LY96: variants seen among roughly 807,000 people sequenced by gnomAD.
The protein encoded by LY96 is lymphocyte antigen 96, also known as myeloid differentiation protein-2.
LY96 carries 18 observed loss-of-function variants against 18.9 expected under a neutral mutation model. The observed-to-expected ratio is 0.95, with a 90% CI of 0.66 to 1.41. LY96 has a LOEUF of 1.41. LY96 is among the 40% of genes most tolerant of loss of function. LY96 has a pLI of 0.00. For missense variants in LY96, 175 were observed against 182.4 expected (o/e 0.96, Z 0.23); for synonymous variants, 66 against 62.6 (o/e 1.06, Z -0.26).
chr8:74,022,863 G>A (rs933448160), intron 3 of LY96, among the ~76,000 whole-genome samples: 4 of 152,144 alleles, frequency 2.6e-5, no homozygotes, highest in Non-Finnish European at 5.9e-5. Flanking sequence ...ACAGGCGTGA[G>A]CCACTGTTCC....
chr8:74,068,102 A>ATATATATATATATATATATATATATATAT, the LY96 span, among the ~76,000 whole-genome samples: 5 of 139,282 alleles, frequency 3.6e-5, no homozygotes, highest in Admixed American at 7.0e-5. Context: ...ATATATATAT[A>ATATATATATATATATATATATATATATAT]ACATTTCCTT....
At chr8:74,058,483 C>T in the LY96 span, among the ~76,000 whole-genome samples, 1 of 151,484 alleles carries the variant, frequency 6.6e-6, no homozygotes, top group African/African-American at 2.4e-5. Context: ...CAAAAGGATA[C>T]TTACATATCT....
chr8:74,003,558 G>C (rs1360485481), intron 1 of LY96, among the ~76,000 whole-genome samples: 5 of 152,204 alleles, frequency 3.3e-5, no homozygotes, highest in Non-Finnish European at 7.3e-5. Flanking sequence ...GCCTGCTCAG[G>C]CTTCTCACGA....
At chr8:74,049,472 A>C in the LY96 span, among the ~76,000 whole-genome samples, 1 of 152,214 alleles carries the variant, frequency 6.6e-6, no homozygotes, top group Non-Finnish European at 1.5e-5. Context: ...GATTTGACAT[A>C]ATAGCATGTC....
chr8:74,006,864 C>T (rs2131265023), intron 2 of LY96, among the ~76,000 whole-genome samples: 1 of 152,224 alleles, frequency 6.6e-6, no homozygotes, highest in South Asian at 2.1e-4. Flanking sequence ...GATAATAAGA[C>T]AGTACGAAAT....
chr8:74,081,133 C>T, the LY96 span, among the ~76,000 whole-genome samples: 6 of 138,160 alleles, frequency 4.3e-5, no homozygotes, highest in African/African-American at 1.7e-4. Context: ...TTCCTTCCTT[C>T]CTTCCTTCCT....
chr8:74,082,281 G>A, the LY96 span, among the ~76,000 whole-genome samples: 1 of 152,078 alleles, frequency 6.6e-6, no homozygotes, highest in Non-Finnish European at 1.5e-5. Context: ...CTGGATTTTG[G>A]TTTTCATGCA....
chr8:74,001,492 A>C (rs1816268574), intron 1 of LY96, among the ~76,000 whole-genome samples: 1 of 152,114 alleles, frequency 6.6e-6, no homozygotes, highest in Non-Finnish European at 1.5e-5. Flanking sequence ...GCCTCCCCAA[A>C]GTGCTGGGAT....
chr8:74,014,084 G>T (rs1318747428), intron 3 of LY96, among the ~76,000 whole-genome samples: 1 of 150,254 alleles, frequency 6.7e-6, no homozygotes, highest in Non-Finnish European at 1.5e-5. Context: ...ATGAAAGAGA[G>T]ATTTTTGGGA....
the LY96 span, among the ~76,000 whole-genome samples, chr8:74,051,130 C>T: frequency 1.3e-5 from 2 of 152,208 alleles, no homozygotes; most frequent in Non-Finnish European, 2.9e-5. Context: ...GCAGAAGACA[C>T]ATTCTCCTGT....
At chr8:74,015,909 T>C (rs1391228738) in intron 3 of LY96, among the ~76,000 whole-genome samples, 1 of 152,176 alleles carries the variant, frequency 6.6e-6, no homozygotes, top group Non-Finnish European at 1.5e-5. Context: ...GATGGCCAAA[T>C]AGGAGCAGCT....
intron 2 of LY96, among the ~76,000 whole-genome samples, chr8:74,007,996 G>A (rs1816449876): frequency 6.6e-6 from 1 of 152,198 alleles, no homozygotes. Context: ...CTGACCTCAG[G>A]AGATCTGCCC....
chr8:74,048,090 A>G, the LY96 span, among the ~76,000 whole-genome samples: 4 of 152,060 alleles, frequency 2.6e-5, no homozygotes, highest in Non-Finnish European at 4.4e-5. Flanking sequence ...GGGTCTGCCT[A>G]TGTTGCTCAG....
intron 1 of LY96, among the ~76,000 whole-genome samples, chr8:73,999,682 A>C (rs748803367): frequency 2.0e-5 from 3 of 151,898 alleles, no homozygotes; most frequent in Non-Finnish European, 2.9e-5. Context: ...TTTTCTTTAA[A>C]ATTTTTTAAA....
At chr8:74,042,037 AT>A in the LY96 span, among the ~76,000 whole-genome samples, 2 of 152,164 alleles carry the variant, frequency 1.3e-5, no homozygotes, top group Non-Finnish European at 2.9e-5. Context: ...CAGCTGTAAA[AT>A]TCCTCTCTTT....
At chr8:74,076,460 A>G in the LY96 span, among the ~76,000 whole-genome samples, 1 of 151,630 alleles carries the variant, frequency 6.6e-6, no homozygotes, top group Non-Finnish European at 1.5e-5. Context: ...AGTAGCTGGG[A>G]TTACAGGCTT....
At chr8:74,047,116 G>T in the LY96 span, among the ~76,000 whole-genome samples, 2 of 152,066 alleles carry the variant, frequency 1.3e-5, no homozygotes, top group Admixed American at 6.6e-5. Context: ...TGGCCAGGCT[G>T]GTCTCAAGTG....
the LY96 span, among the ~76,000 whole-genome samples, chr8:74,091,260 C>T: frequency 6.6e-6 from 1 of 152,208 alleles, no homozygotes; most frequent in Non-Finnish European, 1.5e-5. Context: ...TCTTTCTCCA[C>T]CCAGAAAGCT....
intron 1 of LY96, among the ~76,000 whole-genome samples, chr8:73,998,258 C>T (rs969269781): frequency 6.6e-6 from 1 of 152,184 alleles, no homozygotes; most frequent in African/African-American, 2.4e-5. Context: ...GTTCTGTAAA[C>T]TACAAGGGTT....
Sources: allele counts gnomAD v4.1 joint callset (sites outside exome capture counted in the v4.1 genomes callset), GRCh38; gene constraint gnomAD v4.1.1; transcripts MANE v1.5; gene names NCBI Gene and HGNC (gene_info 2026-07-23, HGNC 2026-07-21).